Variants in SIPA1L3 observed in about 807,000 individuals in gnomAD.
The protein encoded by SIPA1L3 is signal-induced proliferation-associated 1-like protein 3.
SIPA1L3 carries 59 observed loss-of-function variants against 150.1 expected under a neutral mutation model. That is an observed-to-expected ratio of 0.39 (90% CI 0.32 to 0.49). The LOEUF (loss-of-function observed/expected upper bound fraction) is 0.49. Among genes scored for constraint, SIPA1L3 ranks in the 20% least tolerant of loss-of-function variants. The probability of loss-of-function intolerance (pLI) is 0.86; values close to 1 mark genes in which losing one functional copy is unlikely to be tolerated. For missense variants in SIPA1L3, 2,211 were observed against 2,489.5 expected, an observed-to-expected ratio of 0.89 and a Z score of 2.38; for synonymous variants, 1,070 against 1,077.6, an observed-to-expected ratio of 0.99 and a Z score of 0.14.
At chr19:38,099,356 T>C (rs1472019555) in intron 4 of SIPA1L3, among the ~76,000 whole-genome samples, 2 of 144,734 alleles carry the variant, frequency 1.4e-5, no homozygotes, top group Non-Finnish European at 3.0e-5. Flanking sequence ...TTTTTTTAAA[T>C]GAAACTGGTC....
At chr19:38,141,685 G>A (rs1286418761) in intron 11 of SIPA1L3, among the ~76,000 whole-genome samples, 1 of 152,182 alleles carries the variant, frequency 6.6e-6, no homozygotes, top group Non-Finnish European at 1.5e-5. Context: ...GTAGACGACT[G>A]AAGCTCTGCT....
At chr19:38,045,225 A>G (rs1342569510) in intron 2 of SIPA1L3, among the ~76,000 whole-genome samples, 1 of 152,016 alleles carries the variant, frequency 6.6e-6, no homozygotes, top group African/African-American at 2.4e-5. Context: ...AAAAAATACA[A>G]AAAGTAGCCA....
chr19:37,942,125 T>C (rs1006510132), intron 1 of SIPA1L3, among the ~76,000 whole-genome samples: 6 of 152,142 alleles, frequency 3.9e-5, no homozygotes, highest in Non-Finnish European at 8.8e-5. Flanking sequence ...ATTCAGCAAA[T>C]ATTTACTGAA....
intron 2 of SIPA1L3, among the ~76,000 whole-genome samples, chr19:38,055,848 G>A (rs967206006): frequency 3.3e-5 from 5 of 152,220 alleles, no homozygotes; most frequent in African/African-American, 1.2e-4. Context: ...TTTAAAACCT[G>A]GCTGGGAAGG....
chr19:38,146,347 C>T (rs1292398346), intron 12 of SIPA1L3, among the ~76,000 whole-genome samples: 1 of 152,192 alleles, frequency 6.6e-6, no homozygotes, highest in African/African-American at 2.4e-5. Context: ...AGTTTAACCA[C>T]TCACCCATCA....
chr19:38,156,576 G>A (rs1238242968), intron 13 of SIPA1L3, among the ~76,000 whole-genome samples: 2 of 150,700 alleles, frequency 1.3e-5, no homozygotes, highest in Admixed American at 1.3e-4. Context: ...TGTAATCCCA[G>A]CACTTTGGGA....
At chr19:38,075,926 A>C (rs1056722417) in intron 2 of SIPA1L3, among the ~76,000 whole-genome samples, 3 of 152,114 alleles carry the variant, frequency 2.0e-5, no homozygotes, top group Non-Finnish European at 4.4e-5. Flanking sequence ...GGCGGATCAC[A>C]AGGTCAGGAG....
At chr19:37,947,440 G>C (rs978881706) in intron 1 of SIPA1L3, among the ~76,000 whole-genome samples, 2 of 150,976 alleles carry the variant, frequency 1.3e-5, no homozygotes, top group Admixed American at 1.3e-4. Flanking sequence ...AGTGAGCCAA[G>C]ATTGCGCCTC....
chr19:37,907,451 C>G (rs1274743952), intron 1 of SIPA1L3, 93 bp downstream of exon 1: 1 of 152,278 alleles, frequency 6.6e-6, no homozygotes, highest in Non-Finnish European at 1.5e-5. Context: ...GGCGGACGGC[C>G]GGGTGTGGGT....
At position 38,019,888 on chromosome 19, in the gene SIPA1L3, G is replaced by A. The variant is rs1233226484; in HGVS notation, c.-378-9201G>A. Among the ~76,000 whole-genome samples, 5 of 152,150 alleles carry A rather than the reference G, an allele frequency of 3.3e-5. No homozygotes were observed. The East Asian group carries it at 9.6e-4, about 29-fold the overall frequency. On this transcript the variant is annotated intron_variant, in intron 1 of 21. Transcript: ENST00000222345. ...GGATTCCCTGAGGTCACAAGTTTGA[G>A]ACCAGCCTGGGCCACTTAGCAAGAC...
chr19:38,166,405 C>T (rs1415167332), intron 15 of SIPA1L3, among the ~76,000 whole-genome samples: 8 of 150,444 alleles, frequency 5.3e-5, no homozygotes, highest in African/African-American at 1.2e-4. Flanking sequence ...TGCAGTGAGC[C>T]GAGATCGTGC....
At chr19:38,133,249 C>A (rs1971354965) in intron 10 of SIPA1L3, among the ~76,000 whole-genome samples, 1 of 152,230 alleles carries the variant, frequency 6.6e-6, no homozygotes, top group South Asian at 2.1e-4. Context: ...CCACATGTCC[C>A]CTCCAGTCCT....
At chr19:38,030,442 GT>G (rs1968619440) in intron 2 of SIPA1L3, among the ~76,000 whole-genome samples, 1 of 151,926 alleles carries the variant, frequency 6.6e-6, no homozygotes, top group Admixed American at 6.6e-5. Flanking sequence ...CACACTTGTA[GT>G]TCCAGCTACA....
Position 38,206,251 on chromosome 19 carries a change from C to A in SIPA1L3, c.*11C>A. ...AAGAAGGAGCTCTGAGGTGGGAGGC[C>A]GCCGCCCGCCTTCGCTCCTTCCCCT... is the stretch of plus-strand genomic sequence containing the variant. On this transcript the variant is annotated 3_prime_UTR_variant, in exon 22 of 22. Transcript: ENST00000222345. 1 of 1,538,552 alleles carries A rather than the reference C, an allele frequency of 6.5e-7. No homozygotes were observed. The highest frequency in any genetic ancestry group is 8.8e-7 in the Non-Finnish European group (1 of 1,138,002).
intron 1 of SIPA1L3, among the ~76,000 whole-genome samples, chr19:38,022,826 G>A (rs777262362): frequency 9.9e-5 from 15 of 152,232 alleles, no homozygotes; most frequent in Non-Finnish European, 7.3e-5. Context: ...TTGCACAGCC[G>A]CACATGGGTC....
chr19:38,186,480 T>TTTTTGTTTTG (rs148671328), intron 16 of SIPA1L3, among the ~76,000 whole-genome samples: 1 of 147,890 alleles, frequency 6.8e-6, no homozygotes, highest in African/African-American at 2.4e-5. Flanking sequence ...GTCTGGCTAA[T>TTTTTGTTTTG]TTTTGTTTTG....
At chr19:38,193,289 T>C (rs1389201351) in intron 17 of SIPA1L3, among the ~76,000 whole-genome samples, 1 of 146,352 alleles carries the variant, frequency 6.8e-6, no homozygotes, top group African/African-American at 2.5e-5. Flanking sequence ...GTCAAGGTTG[T>C]AGTAAGCTGA....
intron 16 of SIPA1L3, 39 bp from the exon 17 acceptor site, chr19:38,192,106 C>T (rs1198762007): frequency 6.5e-7 from 1 of 1,542,616 alleles, no homozygotes; most frequent in Non-Finnish European, 8.7e-7. Context: ...TGGCTTGAGC[C>T]TCCCTGACAC....
At chr19:38,022,218 A>G (rs985215350) in intron 1 of SIPA1L3, among the ~76,000 whole-genome samples, 46 of 152,354 alleles carry the variant, frequency 3.0e-4, no homozygotes, top group Admixed American at 7.2e-4. Flanking sequence ...AGATCATAGT[A>G]CAACCTACTT....
Sources: allele counts gnomAD v4.1 joint callset (sites outside exome capture counted in the v4.1 genomes callset), GRCh38; gene constraint gnomAD v4.1.1; transcripts MANE v1.5; gene names NCBI Gene and HGNC (gene_info 2026-07-23, HGNC 2026-07-21).